The following GCNT4 variants were observed in gnomAD, a reference collection of about 807,000 sequenced individuals.
GCNT4 encodes beta-1,3-galactosyl-O-glycosyl-glycoprotein beta-1,6-N-acetylglucosaminyltransferase 4.
A neutral mutation model predicts 31.3 loss-of-function variants in GCNT4; 17 were observed. The ratio of observed to expected loss-of-function variants is 0.54; its 90% CI spans 0.37 to 0.81. The LOEUF (loss-of-function observed/expected upper bound fraction) is 0.81, where lower values mean the gene tolerates loss of function less well. GCNT4 is among the 40% of genes least tolerant of loss of function. GCNT4 has a pLI of 0.00. For synonymous variants in GCNT4, 158 were observed against 190.6 expected (o/e 0.83, Z 1.41); for missense variants, 503 against 525.5 (o/e 0.96, Z 0.42).
chr5:75,018,323 C>T, the GCNT4 span, among the ~76,000 whole-genome samples: 2 of 152,014 alleles, frequency 1.3e-5, no homozygotes, highest in African/African-American at 4.8e-5. Context: ...ACTCTGTTGC[C>T]CAGGCTAGAG....
At chr5:75,040,206 T>A (rs1743289421) in intron 3 of GCNT4, among the ~76,000 whole-genome samples, 1 of 148,820 alleles carries the variant, frequency 6.7e-6, no homozygotes, top group Non-Finnish European at 1.5e-5. Context: ...TTTTTGAGAG[T>A]CTCGCACTGT....
At chr5:75,045,777 C>G (rs1243404940) in intron 3 of GCNT4, among the ~76,000 whole-genome samples, 1 of 151,522 alleles carries the variant, frequency 6.6e-6, no homozygotes, top group African/African-American at 2.4e-5. Flanking sequence ...CAACTAGAAA[C>G]TCTACTGCCT....
At chr5:75,048,282 T>C (rs952666596) in intron 2 of GCNT4, among the ~76,000 whole-genome samples, 3 of 152,082 alleles carry the variant, frequency 2.0e-5, no homozygotes, top group Non-Finnish European at 4.4e-5. Flanking sequence ...ACTCAGCTTA[T>C]ATGGAAAATA....
At chr5:75,024,780 T>C (rs181969953), downstream of GCNT4, among the ~76,000 whole-genome samples, 1 of 152,024 alleles carries the variant, frequency 6.6e-6, no homozygotes, top group East Asian at 1.9e-4. Flanking sequence ...TGAAACCCTG[T>C]CTCTACTAAA....
chr5:75,023,278 G>T (rs530951245), downstream of GCNT4, among the ~76,000 whole-genome samples: 13 of 152,338 alleles, frequency 8.5e-5, no homozygotes, highest in South Asian at 2.7e-3. Context: ...AGAATCTGAA[G>T]AGCCATTTAT....
rs1257106768 is a variant in GCNT4 at position 75,029,908 on chromosome 5, A to G, written c.130T>C (p.Tyr44His). ...GTACTTAGGGAGTACTCAACCAAGT[A>G]AATGTCTTTTTGCGGAAAGAGTCGT... ...VRRLFPQKDIYLVEYSLSTSP... is the reference protein window; with the variant it reads ...VRRLFPQKDIHLVEYSLSTSP... Residue 44 changes from tyrosine to histidine, a missense_variant, in exon 4 of 4, where the codon TAC becomes CAC. By Grantham distance (83) the Tyr-to-His change is moderately conservative. Transcript: ENST00000652361. 6.2e-7 allele frequency: 1 copy of G among 1,614,082 alleles called. No individual in the cohort carries two copies. Among genetic ancestry groups the G allele is most frequent in the Admixed American group, 1.7e-5 (1 of 60,014 alleles).
downstream of GCNT4, chr5:75,023,916 C>T (rs11747192): frequency 0.08 from 12,183 of 152,264 alleles, 674 homozygotes; most frequent in Non-Finnish European, 0.12. Context: ...TCCAGGAGGG[C>T]GTGCTTTGCT....
chr5:75,038,327 T>G (rs1266731537), intron 3 of GCNT4, among the ~76,000 whole-genome samples: 1 of 152,138 alleles, frequency 6.6e-6, no homozygotes, highest in Non-Finnish European at 1.5e-5. Context: ...AGCCCAGAAG[T>G]GCAATATTAA....
the GCNT4 span, among the ~76,000 whole-genome samples, chr5:75,019,774 T>C: frequency 2.6e-5 from 4 of 152,236 alleles, no homozygotes; most frequent in Admixed American, 6.5e-5. Context: ...TTCTAAATGT[T>C]GTTGATTGAA....
At chr5:75,051,921 T>G (rs1743579643) in intron 2 of GCNT4, among the ~76,000 whole-genome samples, 1 of 152,208 alleles carries the variant, frequency 6.6e-6, no homozygotes, top group East Asian at 1.9e-4. Context: ...CAGAAAGAGA[T>G]AAATCAACAA....
chr5:75,017,226 C>A, the GCNT4 span, among the ~76,000 whole-genome samples: 1 of 152,100 alleles, frequency 6.6e-6, no homozygotes, highest in Non-Finnish European at 1.5e-5. Flanking sequence ...AGATTTATTT[C>A]CTGGAAGCCA....
chr5:75,040,265 G>A lies in GCNT4; in HGVS notation c.-2+7632C>T, dbSNP rs79299027. 2.8e-3 allele frequency among the ~76,000 whole-genome samples: 419 copies of A among 149,756 alleles called. 3 individuals carry two copies. The highest frequency in any genetic ancestry group is 3.6e-3 in the Admixed American group (53 of 14,872). ...GCCAACTCAGCTCACTGCAACCTCC[G>A]CCTCCCAGATTAACCCTTCTTAAAT... On this transcript the variant is annotated intron_variant, in intron 3 of 3. Coordinates refer to ENST00000652361, the MANE Select transcript of GCNT4 (RefSeq NM_001366737.1).
rs1742974674 is a variant in GCNT4 at position 75,027,511 on chromosome 5, G to T, written c.*1165C>A. The T allele has an allele frequency of 6.7e-6, 1 of 149,810 alleles. No individual in the cohort carries two copies. The highest frequency in any genetic ancestry group is 6.7e-5 in the Admixed American group (1 of 14,844). The allele number at this position is 149,810 out of a possible 1,614,324, so 9.3% of individuals were successfully genotyped here. On this transcript the variant is annotated 3_prime_UTR_variant, in exon 4 of 4. Transcript: ENST00000652361. ...GTGGGTTTTAGAAAATATCCTTAAT[G>T]AATATTCTTGCTGTGTCCTTAGGAA...
intron 3 of GCNT4, among the ~76,000 whole-genome samples, chr5:75,041,573 G>T (rs369883966): frequency 6.6e-6 from 1 of 152,108 alleles, no homozygotes; most frequent in African/African-American, 2.4e-5. Flanking sequence ...TCACATTTGG[G>T]CAGAAATAAA....
intron 3 of GCNT4, among the ~76,000 whole-genome samples, chr5:75,040,183 CTTT>C (rs200239392): frequency 2.1e-5 from 3 of 141,678 alleles, no homozygotes; most frequent in South Asian, 2.3e-4. Context: ...TCTCTGATAA[CTTT>C]TTTTTTTTTT....
At chr5:75,038,132 T>C (rs924112547) in intron 3 of GCNT4, among the ~76,000 whole-genome samples, 1 of 152,170 alleles carries the variant, frequency 6.6e-6, no homozygotes, top group African/African-American at 2.4e-5. Context: ...CCTGTTTCTT[T>C]CATTTCACAG....
chr5:75,031,043 A>G (rs1011060518), intron 3 of GCNT4: 4 of 160,346 alleles, frequency 2.5e-5, no homozygotes, highest in Admixed American at 2.0e-4. Flanking sequence ...ACATGTCTAT[A>G]CATACAAAGA....
At chr5:75,053,733 C>T (rs12520598), upstream of GCNT4, among the ~76,000 whole-genome samples, 14,615 of 152,062 alleles carry the variant, frequency 0.096, 1,067 homozygotes, top group Admixed American at 0.18. Flanking sequence ...AGCGCCTCCG[C>T]GCTCCCGCAG....
chr5:75,053,043 C>T (rs1456998691), upstream of GCNT4, among the ~76,000 whole-genome samples: 1 of 151,980 alleles, frequency 6.6e-6, no homozygotes, highest in African/African-American at 2.4e-5. Flanking sequence ...GGCTCCACTC[C>T]GCCCGCGAGC....
Sources: gnomAD v4.1 joint callset for allele counts (sites outside exome capture counted in the v4.1 genomes callset) on GRCh38, gnomAD v4.1.1 for gene constraint, MANE v1.5 for transcripts, NCBI Gene and HGNC (gene_info 2026-07-23, HGNC 2026-07-21) for gene names.